The following LDHAL6A variants were observed in gnomAD, a reference collection of about 807,000 sequenced individuals.
LDHAL6A encodes L-lactate dehydrogenase A-like 6A.
In LDHAL6A, 19 loss-of-function variants were observed where a neutral mutation model predicts 28.2. The ratio of observed to expected loss-of-function variants is 0.67; its 90% CI spans 0.47 to 0.99. The LOEUF is 0.99. Among genes scored for constraint, LDHAL6A ranks in the 50% least tolerant of loss-of-function variants. The pLI is 0.00. For synonymous variants in LDHAL6A, 144 were observed against 134.4 expected (o/e 1.07, Z -0.49); for missense variants, 372 against 398.6 (o/e 0.93, Z 0.57).
intron 5 of LDHAL6A, among the ~76,000 whole-genome samples, chr11:18,477,022 T>C (rs1849399398): frequency 4.6e-5 from 7 of 151,778 alleles, no homozygotes; most frequent in Admixed American, 4.6e-4. Flanking sequence ...GAGACCAGCC[T>C]GGGCAACATA....
chr11:18,473,094 A>G (rs1398056011), intron 3 of LDHAL6A, among the ~76,000 whole-genome samples: 1 of 152,072 alleles, frequency 6.6e-6, no homozygotes, highest in African/African-American at 2.4e-5. Context: ...GTATTTTCTT[A>G]TTTTTGATAT....
Position 18,465,441 on chromosome 11 carries a change from T to A in LDHAL6A, c.245-196T>A, listed in dbSNP as rs2063015. Among the ~76,000 whole-genome samples, 55,654 of 150,252 alleles carry A rather than the reference T, an allele frequency of 0.37. 11,428 individuals carry two copies. Among genetic ancestry groups the A allele is most frequent in the African/African-American group, 0.54 (21,970 of 40,620 alleles). On this transcript the variant is annotated intron_variant, in intron 2 of 6. Coordinates refer to ENST00000280706, the MANE Select transcript of LDHAL6A (RefSeq NM_144972.5). ...CATGACTTACGTTTTTTTTTTTTTT[T>A]TTATTATTAAAAAAAATGTACAAGG...
chr11:18,457,703 C>G (rs1848793068), intron 1 of LDHAL6A, among the ~76,000 whole-genome samples: 1 of 152,166 alleles, frequency 6.6e-6, no homozygotes, highest in Admixed American at 6.6e-5. Flanking sequence ...ACCAACACAT[C>G]TGTGACTCAT....
At position 18,467,905 on chromosome 11, in the gene LDHAL6A, A is replaced by G. The variant is rs111362409; in HGVS notation, c.418+2095A>G. On this transcript the variant is annotated intron_variant, in intron 3 of 6. Transcript: ENST00000280706. ...CATATATATATATATATATATATAT[A>G]TATATATATATATACACACACATAT... is the stretch of plus-strand genomic sequence containing the variant. Among the ~76,000 whole-genome samples, 29 of 74,444 alleles carry G rather than the reference A, an allele frequency of 3.9e-4. 1 individual carries two copies. Among genetic ancestry groups the G allele is most frequent in the African/African-American group, 1.7e-3 (26 of 15,386 alleles). The allele number at this position is 74,444 out of a possible 152,430, so 48.8% of individuals were successfully genotyped here. A position where few individuals can be genotyped will look rare whatever the true frequency, so the allele number is the denominator to read the frequency against.
At chr11:18,466,603 A>T (rs1276468967) in intron 3 of LDHAL6A, among the ~76,000 whole-genome samples, 1 of 148,754 alleles carries the variant, frequency 6.7e-6, no homozygotes, top group African/African-American at 2.5e-5. Context: ...GCAGTGAGCC[A>T]TGATTGCGCC....
chr11:18,476,406 C>CA lies in LDHAL6A; in HGVS notation c.616dup (p.Ile206AsnfsTer16). 1.2e-6 allele frequency: 2 copies of CA among 1,613,920 alleles called. No individual in the cohort carries two copies. The highest frequency in any genetic ancestry group is 2.7e-5 in the African/African-American group (2 of 75,036). On this transcript the variant is annotated frameshift_variant, in exon 5 of 7. Coordinates refer to ENST00000280706, the MANE Select transcript of LDHAL6A (RefSeq NM_144972.5). LOFTEE classifies it high-confidence loss of function. ...TAGTTCCTGTGTGGAGTGGTGTGAA[C>CA]ATTGCTGGCGTCCCTCTGAAGGATC...
intron 3 of LDHAL6A, 69 bp downstream of exon 3, chr11:18,465,879 G>T: frequency 2.5e-6 from 3 of 1,181,514 alleles, no homozygotes; most frequent in South Asian, 1.4e-5. Context: ...CATTACATGA[G>T]TATACTGTGT....
Position 18,476,439 on chromosome 11 carries a change from A to G in LDHAL6A, c.648A>G (p.Pro216=). ...IAGVPLKDLN[P]DIGTDKDPEQ... ...GCGTCCCTCTGAAGGATCTGAACCC[A>G]GATATAGGAACTGATAAAGATCCTG... Residue 216 remains proline (P), a synonymous_variant, in exon 5 of 7, where the codon CCA becomes CCG. Transcript: ENST00000280706. 1 of 1,614,158 alleles carries G rather than the reference A, an allele frequency of 6.2e-7. No individual in the cohort carries two copies. Among genetic ancestry groups the G allele is most frequent in the Non-Finnish European group, 8.5e-7 (1 of 1,180,002 alleles).
intron 6 of LDHAL6A, 71 bp from the exon 7 acceptor site, chr11:18,478,635 C>G: frequency 8.2e-7 from 1 of 1,214,724 alleles, no homozygotes; most frequent in Non-Finnish European, 1.2e-6. Context: ...ATTCATTCAC[C>G]TCCCAACTGT....
At chr11:18,466,644 CCT>C (rs1424714522) in intron 3 of LDHAL6A, among the ~76,000 whole-genome samples, 1 of 135,588 alleles carries the variant, frequency 7.4e-6, no homozygotes, top group African/African-American at 2.8e-5. Context: ...ACAGTGAGAC[CCT>C]GTCTCAAAAA....
rs748112951 is a variant in LDHAL6A, at chr11:18,465,836, A to G, written c.418+26A>G. 3.8e-6 allele frequency: 6 copies of G among 1,584,832 alleles called. No homozygotes were observed. The South Asian group carries it at 4.5e-5, about 12-fold the overall frequency. ...GTCAGCTTTGTTGTTTTAAATTTTC[A>G]ACTTTTAGATTCGGGGGTACACTGT... On this transcript the variant is annotated intron_variant, in intron 3 of 6. Transcript: ENST00000280706.
At chr11:18,461,925 C>T (rs1378976080) in intron 1 of LDHAL6A, among the ~76,000 whole-genome samples, 8 of 148,930 alleles carry the variant, frequency 5.4e-5, no homozygotes, top group South Asian at 4.3e-4. Flanking sequence ...CTGAGGCAGG[C>T]GGATCACTTG....
Position 18,475,786 on chromosome 11 carries a change from T to C in LDHAL6A, c.592+147T>C, listed in dbSNP as rs1210114745. The C allele has an allele frequency of 1.1e-5, 6 of 535,406 alleles. No homozygotes were observed. The African/African-American group carries it at 1.2e-4, about 10-fold the overall frequency. 33.2% of individuals were successfully genotyped at this position (535,406 alleles called of 1,614,324 possible). The stretch of plus-strand genomic sequence containing the variant: ...TAGCGTTTAATTTTTACCACACTTA[T>C]TTTTAAAATAACCAACAAAAAATAC... On this transcript the variant is annotated intron_variant, in intron 4 of 6. Transcript: ENST00000280706.
At chr11:18,469,162 GA>G in intron 3 of LDHAL6A, 1 of 620,242 alleles carries the variant, frequency 1.6e-6, no homozygotes, top group South Asian at 1.9e-5. Context: ...TCAGAGTTGT[GA>G]AGGCACCTGG....
chr11:18,468,002 CGTATATATATACATATATATACGT>C (rs1565071574), intron 3 of LDHAL6A, among the ~76,000 whole-genome samples: 31 of 37,696 alleles, frequency 8.2e-4, no homozygotes, highest in African/African-American at 3.8e-3. Context: ...CATATATATA[CGTATATATATACATATATATACGT>C]ATATATATAT....
intron 1 of LDHAL6A, 126 bp from the exon 2 acceptor site, chr11:18,463,831 CATTT>C: frequency 1.6e-6 from 1 of 623,692 alleles, no homozygotes; most frequent in Non-Finnish European, 2.9e-6. Flanking sequence ...ATGATGAGAT[CATTT>C]ATTATGTTTC....
chr11:18,459,398 C>G (rs138519602), intron 1 of LDHAL6A, among the ~76,000 whole-genome samples: 1 of 152,290 alleles, frequency 6.6e-6, no homozygotes, highest in African/African-American at 2.4e-5. Context: ...GCCAGGGACT[C>G]TCGGGCCTTT....
intron 1 of LDHAL6A, among the ~76,000 whole-genome samples, chr11:18,463,402 C>T (rs1264983057): frequency 1.3e-5 from 2 of 152,104 alleles, no homozygotes; most frequent in Non-Finnish European, 2.9e-5. Context: ...TATGGCGGCC[C>T]CCTGACCTTG....
At chr11:18,478,241 GT>G (rs531354657) in intron 6 of LDHAL6A, among the ~76,000 whole-genome samples, 50 of 152,164 alleles carry the variant, frequency 3.3e-4, no homozygotes, top group Non-Finnish European at 6.0e-4. Flanking sequence ...TGCAAACAAA[GT>G]CATAGGAATT....
Sources: allele counts gnomAD v4.1 joint callset (sites outside exome capture counted in the v4.1 genomes callset), GRCh38; gene constraint gnomAD v4.1.1; transcripts MANE v1.5; gene names NCBI Gene and HGNC (gene_info 2026-07-23, HGNC 2026-07-21).